PCDHGA7: variants seen among roughly 807,000 people sequenced by gnomAD.
PCDHGA7 encodes the protein protocadherin gamma subfamily A, 7.
PCDHGA7 carries 44 observed loss-of-function variants against 58.3 expected under a neutral mutation model. That is an observed-to-expected ratio of 0.75 (90% CI 0.59 to 0.97). The LOEUF (loss-of-function observed/expected upper bound fraction) is 0.97. PCDHGA7 is among the 50% of genes least tolerant of loss of function. The probability of loss-of-function intolerance (pLI) is 0.00; values close to 1 mark genes in which losing one functional copy is unlikely to be tolerated. For synonymous variants in PCDHGA7, 516 were observed against 504.2 expected (o/e 1.02, Z -0.31); for missense variants, 1,266 against 1,188.7 (o/e 1.06, Z -0.96).
chr5:141,457,335 A>G (rs2098917073), intron 1 of PCDHGA7, among the ~76,000 whole-genome samples: 1 of 152,172 alleles, frequency 6.6e-6, no homozygotes, highest in Admixed American at 6.5e-5. Flanking sequence ...CAGGTACCTT[A>G]CTTACTTTCA....
rs541716228 is a variant in PCDHGA7 at position 141,385,113 on chromosome 5, G to A, written c.2214G>A (p.Ser738=). 3 of 1,614,166 alleles carry A rather than the reference G, an allele frequency of 1.9e-6. No homozygotes were observed. The highest frequency in any genetic ancestry group is 2.2e-5 in the South Asian group (2 of 91,090). The change falls in exon 1 of 4, where the codon TCG becomes TCA. Residue 738 remains serine, a synonymous_variant. Coordinates refer to ENST00000518325, the MANE Select transcript of PCDHGA7 (RefSeq NM_018920.4). ...GTGGCTTGGCGAACGTGCCCACCTC[G>A]CACTTTGTGGGCATGGACGGGGTGC... The part of the protein sequence containing the change: ...SEGGLANVPT[S]HFVGMDGVQA...
At chr5:141,442,111 C>G (rs1265830634) in intron 1 of PCDHGA7, 1 of 166,236 alleles carries the variant, frequency 6.0e-6, no homozygotes, top group Non-Finnish European at 1.3e-5. Context: ...CACTACCGCC[C>G]CTCGTCGCCG....
chr5:141,431,498 T>C lies in PCDHGA7; in HGVS notation c.2424+46175T>C, dbSNP rs1274311782. On this transcript the variant is annotated intron_variant, in intron 1 of 3. Coordinates refer to ENST00000518325, the MANE Select transcript of PCDHGA7 (RefSeq NM_018920.4). The surrounding 1 kb of genome is among the most constrained non-coding windows in gnomAD (Gnocchi z 4.8). ...CGCACCAGCGTTTGCTCAGCCCGAG[T>C]ACCGCGCGAGCGTTCCGGAGAATCT... The C allele has an allele frequency of 6.2e-7, 1 of 1,613,992 alleles. No homozygotes were observed. Among genetic ancestry groups the C allele is most frequent in the Non-Finnish European group, 8.5e-7 (1 of 1,180,034 alleles).
chr5:141,501,302 C>T (rs886901737), intron 2 of PCDHGA7, among the ~76,000 whole-genome samples: 14 of 151,156 alleles, frequency 9.3e-5, no homozygotes, highest in African/African-American at 2.9e-4. Flanking sequence ...CACACACACA[C>T]ACACACACAC....
chr5:141,490,775 A>G lies in PCDHGA7; in HGVS notation c.2425-4032A>G. 6 of 1,614,110 alleles carry G rather than the reference A, an allele frequency of 3.7e-6. No homozygotes were observed. Among genetic ancestry groups the G allele is most frequent in the Non-Finnish European group, 5.1e-6 (6 of 1,179,964 alleles). On this transcript the variant is annotated intron_variant, in intron 1 of 3. Transcript: ENST00000518325. The surrounding 1 kb of genome is among the most constrained non-coding windows in gnomAD (Gnocchi z 5.4). ...TCCTCCTTTGTGTATGTCAACCCAG[A>G]GGATGGACGGATCTTTGCCCAGCGT...
In PCDHGA7 at chr5:141,477,073, G is replaced by A. The variant is rs755445666; in HGVS notation, c.2425-17734G>A. The A allele has an allele frequency of 1.2e-6, 2 of 1,614,264 alleles. No homozygotes were observed. The highest frequency in any genetic ancestry group is 2.2e-5 in the East Asian group (1 of 44,882). On this transcript the variant is annotated intron_variant, in intron 1 of 3. Coordinates refer to ENST00000518325, the MANE Select transcript of PCDHGA7 (RefSeq NM_018920.4). This position sits in a 1 kb window ranked among gnomAD's most constrained non-coding sequence, Gnocchi z 4.9. ...ACTTCGAGGACACCAAACTCCATGA[G>A]ATTTACATCCAGGCCAAAGACAAGG...
At chr5:141,436,200 T>C (rs1266606536) in intron 1 of PCDHGA7, among the ~76,000 whole-genome samples, 1 of 152,014 alleles carries the variant, frequency 6.6e-6, no homozygotes, top group African/African-American at 2.4e-5. Context: ...AAGAAAGACA[T>C]AATAGGAAAA....
Position 141,382,978 on chromosome 5 carries a change from T to G in PCDHGA7, c.79T>G (p.Trp27Gly). 1 of 1,610,702 alleles carries G rather than the reference T, an allele frequency of 6.2e-7. No homozygotes were observed. Among genetic ancestry groups the G allele is most frequent in the Non-Finnish European group, 8.5e-7 (1 of 1,177,540 alleles). The change falls in exon 1 of 4, where the codon TGG becomes GGG. Residue 27 changes from tryptophan (W) to glycine (G), a missense_variant. Trp to Gly is a radical substitution (Grantham distance 184). Coordinates refer to ENST00000518325, the MANE Select transcript of PCDHGA7 (RefSeq NM_018920.4). Reference protein sequence around the residue: ...SILLGTPWEAWAGRILYSVSE... With the variant: ...SILLGTPWEAGAGRILYSVSE... ...CCTCCTGGGGACCCCCTGGGAAGCCTGGGCAGGACGTATTCTCTACTCCGT... is the reference window on the plus strand; with the variant it reads ...CCTCCTGGGGACCCCCTGGGAAGCCGGGGCAGGACGTATTCTCTACTCCGT...
At chr5:141,502,932 C>T (rs1039438031) in intron 2 of PCDHGA7, among the ~76,000 whole-genome samples, 2 of 143,766 alleles carry the variant, frequency 1.4e-5, no homozygotes, top group African/African-American at 5.3e-5. Context: ...CAACCTTCAC[C>T]TCCTGGGTTC....
At chr5:141,422,040 C>T (rs1045003805) in intron 1 of PCDHGA7, 10 of 1,611,324 alleles carry the variant, frequency 6.2e-6, no homozygotes, top group African/African-American at 4.0e-5. Context: ...CGGATCCAGA[C>T]GAGGGAATCA....
intron 1 of PCDHGA7, among the ~76,000 whole-genome samples, chr5:141,472,346 C>G (rs1393301393): frequency 6.6e-6 from 1 of 151,722 alleles, no homozygotes; most frequent in Non-Finnish European, 1.5e-5. Flanking sequence ...TCGAGACCAT[C>G]CTGGCTAACA....
At chr5:141,408,271 T>C (rs948446189) in intron 1 of PCDHGA7, 7 of 1,610,858 alleles carry the variant, frequency 4.3e-6, no homozygotes, top group Non-Finnish European at 5.9e-6. Context: ...TGCTGCTGCC[T>C]TTGTTCTACC....
chr5:141,430,619 A>G lies in PCDHGA7; in HGVS notation c.2424+45296A>G, dbSNP rs192473783. ...CGCCTGAAGCACAAAGCAGATAGCT[A>G]GGAATGAACCATCCCTGGGAGTATG... On this transcript the variant is annotated intron_variant, in intron 1 of 3. Coordinates refer to ENST00000518325, the MANE Select transcript of PCDHGA7 (RefSeq NM_018920.4). 9.4e-5 allele frequency: 68 copies of G among 720,190 alleles called. 1 individual carries two copies. The African/African-American group carries it at 1.1e-3, about 12-fold the overall frequency. 44.6% of individuals were successfully genotyped at this position (720,190 alleles called of 1,614,324 possible). A position where few individuals can be genotyped will look rare whatever the true frequency, so the allele number is the denominator to read the frequency against.
At chr5:141,416,501 T>C (rs1164504285) in intron 1 of PCDHGA7, 6 of 152,148 alleles carry the variant, frequency 3.9e-5, no homozygotes, top group Non-Finnish European at 7.4e-5. Context: ...AAGAGATATA[T>C]GACAAAGCTA....
chr5:141,495,921 T>C (rs959070876), intron 2 of PCDHGA7, among the ~76,000 whole-genome samples: 1 of 152,196 alleles, frequency 6.6e-6, no homozygotes, highest in Non-Finnish European at 1.5e-5. Context: ...TCTTTCTTTG[T>C]CTCTGTCTCT....
At chr5:141,409,986 A>G (rs995773112) in intron 1 of PCDHGA7, 27 of 1,612,796 alleles carry the variant, frequency 1.7e-5, no homozygotes, top group Non-Finnish European at 2.2e-5. Context: ...GTAGCGGTGG[A>G]CGCCGACTCG....
In PCDHGA7 at chr5:141,460,961, A is replaced by ATATGTGTGTG. The variant is rs1463306338; in HGVS notation, c.2425-33845_2425-33844insATGTGTGTGT. On this transcript the variant is annotated intron_variant, in intron 1 of 3. Coordinates refer to ENST00000518325, the MANE Select transcript of PCDHGA7 (RefSeq NM_018920.4). ...ATATATATGTATTATGTATATATAT[A>ATATGTGTGTG]TGTGTGTGTGTGTGTGTGTGTGTAT... Among the ~76,000 whole-genome samples the ATATGTGTGTG allele has an allele frequency of 1.3e-3, 194 of 144,616 alleles. 1 individual carries two copies. The highest frequency in any genetic ancestry group is 4.7e-3 in the African/African-American group (182 of 38,716). 94.9% of individuals were successfully genotyped at this position (144,616 alleles called of 152,430 possible). A position where few individuals can be genotyped will look rare whatever the true frequency, so the allele number is the denominator to read the frequency against.
intron 1 of PCDHGA7, chr5:141,398,887 A>T: frequency 6.2e-7 from 1 of 1,613,976 alleles, no homozygotes; most frequent in Non-Finnish European, 8.5e-7. Context: ...CCTTCGGGAA[A>T]ACGTGCCACC....
intron 1 of PCDHGA7, chr5:141,413,902 G>A: frequency 1.9e-6 from 3 of 1,613,252 alleles, no homozygotes; most frequent in East Asian, 2.2e-5. Flanking sequence ...AAATGACAAC[G>A]CGCCGGTCTT....
Sources: allele counts gnomAD v4.1 joint callset (sites outside exome capture counted in the v4.1 genomes callset), GRCh38; gene constraint gnomAD v4.1.1; non-coding constraint Gnocchi (gnomAD v3.1); transcripts MANE v1.5; gene names NCBI Gene and HGNC (gene_info 2026-07-23, HGNC 2026-07-21).